CACNA1B: variants seen among roughly 807,000 people sequenced by gnomAD.
CACNA1B encodes calcium voltage-gated channel subunit alpha1 B.
A neutral mutation model predicts 247.2 loss-of-function variants in CACNA1B; 70 were observed. The observed-to-expected ratio is 0.28, with a 90% CI of 0.23 to 0.35. The LOEUF is 0.35. CACNA1B is among the 10% of genes least tolerant of loss of function. CACNA1B has a pLI of 1.00. For synonymous variants in CACNA1B, 1,231 were observed against 1,294.4 expected, an observed-to-expected ratio of 0.95 and a Z score of 1.05; for missense variants, 2,367 against 3,197.4, an observed-to-expected ratio of 0.74 and a Z score of 6.26.
chr9:137,917,908 G>C lies in CACNA1B; in HGVS notation c.966+477G>C, dbSNP rs1159510693. On this transcript the variant is annotated intron_variant, in intron 6 of 46. Transcript: ENST00000371372. The surrounding 1 kb of genome is among the most constrained non-coding windows in gnomAD (Gnocchi z 5.5). Reference sequence around the variant, plus strand: ...CCGAGGACCATGGGCAGCTGTTGCTGTGCCACCCCTCTAGGGTCTCTGTTG... The same window carrying C: ...CCGAGGACCATGGGCAGCTGTTGCTCTGCCACCCCTCTAGGGTCTCTGTTG... Among the ~76,000 whole-genome samples, 1 of 152,218 alleles carries C rather than the reference G, an allele frequency of 6.6e-6. No individual in the cohort carries two copies. Among genetic ancestry groups the C allele is most frequent in the Non-Finnish European group, 1.5e-5 (1 of 68,040 alleles).
At chr9:138,113,647 A>G (rs1158521830) in intron 40 of CACNA1B, among the ~76,000 whole-genome samples, 27 of 80,650 alleles carry the variant, frequency 3.3e-4, no homozygotes, top group South Asian at 1.5e-3. Context: ...GGAGCGCAGG[A>G]AGGTGCCCAA....
In CACNA1B at chr9:138,058,357, C is replaced by T. The variant is rs990581602; in HGVS notation, c.4308+107C>T. Reference sequence around the variant, plus strand: ...CAGCTGGGTCAGCTTTGGCTGCCACCGTCTGCCAACACAGGGGCAGGTCCT... The same window carrying T: ...CAGCTGGGTCAGCTTTGGCTGCCACTGTCTGCCAACACAGGGGCAGGTCCT... On this transcript the variant is annotated intron_variant, in intron 28 of 46. Coordinates refer to ENST00000371372, the MANE Select transcript of CACNA1B (RefSeq NM_000718.4). This position sits in a 1 kb window ranked among gnomAD's most constrained non-coding sequence, Gnocchi z 4.7. 4 of 1,070,776 alleles carry T rather than the reference C, an allele frequency of 3.7e-6. No homozygotes were observed. Among genetic ancestry groups the T allele is most frequent in the South Asian group, 1.4e-5 (1 of 73,128 alleles). The allele number at this position is 1,070,776 out of a possible 1,614,324, so 66.3% of individuals were successfully genotyped here. A position where few individuals can be genotyped will look rare whatever the true frequency, so the allele number is the denominator to read the frequency against.
chr9:137,895,870 G>A (rs1415365920), intron 3 of CACNA1B, among the ~76,000 whole-genome samples: 1 of 152,180 alleles, frequency 6.6e-6, no homozygotes, highest in African/African-American at 2.4e-5. Context: ...CTGTGTTGAA[G>A]AGTGGTGTGG....
Position 138,030,037 on chromosome 9 carries a change from T to A in CACNA1B, c.3286+4865T>A, listed in dbSNP as rs1958969906. 2.6e-5 allele frequency among the ~76,000 whole-genome samples: 4 copies of A among 152,202 alleles called. No individual in the cohort carries two copies. The South Asian group carries it at 6.2e-4, about 24-fold the overall frequency. Reference sequence around the variant, plus strand: ...GGCATCTGCAAATGAACAGTTTTAGTTTTTTCCTTTCTGACATACATGCCT... The same window carrying A: ...GGCATCTGCAAATGAACAGTTTTAGATTTTTCCTTTCTGACATACATGCCT... On this transcript the variant is annotated intron_variant, in intron 20 of 46. Coordinates refer to ENST00000371372, the MANE Select transcript of CACNA1B (RefSeq NM_000718.4).
intron 7 of CACNA1B, among the ~76,000 whole-genome samples, chr9:137,953,267 T>G (rs1252312075): frequency 6.6e-6 from 1 of 152,228 alleles, no homozygotes; most frequent in Admixed American, 6.5e-5. Flanking sequence ...CCTGGCTTCC[T>G]GCTCCCACCT....
In CACNA1B at chr9:138,120,160, C is replaced by G. The variant is rs1056129698; in HGVS notation, c.6031-5C>G. ...CTAGGCCCACTCTCAGTCCTTTGCC[C>G]ACAGCCCGTCACAGATGCCAGCCCC... On this transcript the variant is annotated splice_region_variant and splice_polypyrimidine_tract_variant and intron_variant, in intron 44 of 46. Transcript: ENST00000371372. 1 of 1,594,580 alleles carries G rather than the reference C, an allele frequency of 6.3e-7. No individual in the cohort carries two copies. Among genetic ancestry groups the G allele is most frequent in the East Asian group, 2.3e-5 (1 of 43,366 alleles).
intron 6 of CACNA1B, among the ~76,000 whole-genome samples, chr9:137,940,208 A>T (rs2133317837): frequency 6.6e-6 from 1 of 152,356 alleles, no homozygotes; most frequent in East Asian, 1.9e-4. Context: ...GAAAATCCAA[A>T]GAAGCTCAAT....
chr9:138,003,471 C>T (rs1958606725), intron 15 of CACNA1B, among the ~76,000 whole-genome samples: 1 of 151,272 alleles, frequency 6.6e-6, no homozygotes, highest in Non-Finnish European at 1.5e-5. Flanking sequence ...ATCTTTATGA[C>T]CTTGGATGGA....
chr9:138,063,005 C>G (rs1365974365), intron 31 of CACNA1B, among the ~76,000 whole-genome samples: 2 of 152,256 alleles, frequency 1.3e-5, no homozygotes, highest in African/African-American at 4.8e-5. Context: ...GACCACTGGA[C>G]CCCTAAAAAC....
Position 138,094,050 on chromosome 9 carries a change from C to A in CACNA1B, c.5095-2434C>A, listed in dbSNP as rs530532888. On this transcript the variant is annotated intron_variant, in intron 36 of 46. Transcript: ENST00000371372. Reference sequence around the variant, plus strand: ...TTCCATCAACAGATGAATGGGTAAACAATGTATGAACATTCAATGGACTAT... The same window carrying A: ...TTCCATCAACAGATGAATGGGTAAAAAATGTATGAACATTCAATGGACTAT... Among the ~76,000 whole-genome samples, 12 of 152,232 alleles carry A rather than the reference C, an allele frequency of 7.9e-5. No homozygotes were observed. The South Asian group carries it at 2.5e-3, about 32-fold the overall frequency.
chr9:138,112,870 C>T (rs950605740), intron 40 of CACNA1B, among the ~76,000 whole-genome samples: 7 of 143,388 alleles, frequency 4.9e-5, no homozygotes, highest in African/African-American at 7.9e-5. Context: ...TTGTGAGAGA[C>T]GTGAGGGAGC....
chr9:137,984,192 T>A lies in CACNA1B; in HGVS notation c.1711T>A (p.Ser571Thr). The A allele has an allele frequency of 6.2e-7, 1 of 1,605,256 alleles. No individual in the cohort carries two copies. The highest frequency in any genetic ancestry group is 8.5e-7 in the Non-Finnish European group (1 of 1,176,282). The stretch of plus-strand genomic sequence containing the variant: ...CTGGGCGGCCATCAAGCCGGGAAGC[T>A]CCTTTGGGATCAGTGTGCTGCGGGC... ...VVWAAIKPGS[S>T]FGISVLRALR... is the part of the protein sequence containing the mutation. Residue 571 changes from serine to threonine, a missense_variant, in exon 13 of 47, where the codon TCC becomes ACC. Around this residue, in one of 12 missense-constraint regions of CACNA1B, gnomAD observed 219 missense variants for 297.6 expected, o/e 0.74. Coordinates refer to ENST00000371372, the MANE Select transcript of CACNA1B (RefSeq NM_000718.4).
At chr9:137,892,378 G>A in intron 3 of CACNA1B, 1 of 456,530 alleles carries the variant, frequency 2.2e-6, no homozygotes, top group Non-Finnish European at 4.4e-6. Flanking sequence ...CCTGGGGCAG[G>A]CGGGATGCAG....
chr9:138,055,665 C>G (rs1284754455), intron 26 of CACNA1B, among the ~76,000 whole-genome samples: 8 of 152,184 alleles, frequency 5.3e-5, no homozygotes, highest in Non-Finnish European at 1.0e-4. Context: ...ATATCCAATT[C>G]ACCCAGCATC....
In CACNA1B at chr9:138,051,536, T is replaced by C. The variant is rs1013982562; in HGVS notation, c.3711-556T>C. Among the ~76,000 whole-genome samples, 2 of 150,676 alleles carry C rather than the reference T, an allele frequency of 1.3e-5. No individual in the cohort carries two copies. The highest frequency in any genetic ancestry group is 4.9e-5 in the African/African-American group (2 of 40,908). ...CATGCCTCTTGCATTGCCTCTGTATTCGTCCGACTTTTTCTCTTTCTTACT... is the reference window on the plus strand; with the variant it reads ...CATGCCTCTTGCATTGCCTCTGTATCCGTCCGACTTTTTCTCTTTCTTACT... On this transcript the variant is annotated intron_variant, in intron 24 of 46. Transcript: ENST00000371372. This position sits in a 1 kb window ranked among gnomAD's most constrained non-coding sequence, Gnocchi z 4.3.
intron 36 of CACNA1B, among the ~76,000 whole-genome samples, chr9:138,083,209 G>A (rs1279087684): frequency 1.3e-5 from 2 of 151,032 alleles, no homozygotes; most frequent in African/African-American, 4.9e-5. Flanking sequence ...GAACTAGAGC[G>A]GGAGTGTGAC....
intron 20 of CACNA1B, among the ~76,000 whole-genome samples, chr9:138,025,465 G>A (rs942808466): frequency 2.0e-5 from 3 of 152,212 alleles, no homozygotes; most frequent in Non-Finnish European, 4.4e-5. Context: ...TAGTAGGAGG[G>A]AGACAGTCTT....
At position 137,880,927 on chromosome 9, in the gene CACNA1B, G is replaced by A. The variant is rs374640816; in HGVS notation, c.390+1768G>A. 2.0e-5 allele frequency among the ~76,000 whole-genome samples: 3 copies of A among 152,134 alleles called. No homozygotes were observed. The highest frequency in any genetic ancestry group is 2.1e-4 in the South Asian group (1 of 4,824). On this transcript the variant is annotated intron_variant, in intron 2 of 46. Coordinates refer to ENST00000371372, the MANE Select transcript of CACNA1B (RefSeq NM_000718.4). The surrounding 1 kb of genome is among the most constrained non-coding windows in gnomAD (Gnocchi z 4.8). ...TCCCCGTCGACTCTGGAGCTACCTC[G>A]AGCCAGGCCCCAGCTTGCAGTGCAA... is the stretch of plus-strand genomic sequence containing the variant.
rs1564299133 is a variant in CACNA1B at position 138,120,826 on chromosome 9, T to G, written c.6434T>G (p.Leu2145Arg). Residue 2145 changes from leucine (L) to arginine (R), a missense_variant, in exon 46 of 47, where the codon CTC becomes CGC. Transcript: ENST00000371372. ...GAGCCCCCGAAGCCCAAGCCCTCCC[T>G]CAGCAGCCACCCAACGTCGCCAACA... Reference protein sequence around the residue: ...GREPPKPKPSLSSHPTSPTAG... With the variant: ...GREPPKPKPSRSSHPTSPTAG... 6.4e-7 allele frequency: 1 copy of G among 1,568,768 alleles called. No homozygotes were observed. Among genetic ancestry groups the G allele is most frequent in the Non-Finnish European group, 8.6e-7 (1 of 1,157,232 alleles).
Sources: allele counts gnomAD v4.1 joint callset (sites outside exome capture counted in the v4.1 genomes callset), GRCh38; gene constraint gnomAD v4.1.1; regional missense constraint gnomAD v4.1.1; non-coding constraint Gnocchi (gnomAD v3.1); transcripts MANE v1.5; gene names NCBI Gene and HGNC (gene_info 2026-07-23, HGNC 2026-07-21).